CFAP157: variants seen among roughly 807,000 people sequenced by gnomAD.
CFAP157 encodes the protein cilia- and flagella-associated protein 157.
CFAP157 carries 43 observed loss-of-function variants against 57.8 expected under a neutral mutation model. The observed-to-expected ratio is 0.74, with a 90% CI of 0.58 to 0.96. The LOEUF is 0.96. Among genes scored for constraint, CFAP157 ranks in the 40% least tolerant of loss-of-function variants. The probability of loss-of-function intolerance (pLI) is 0.00; values close to 1 mark genes in which losing one functional copy is unlikely to be tolerated. For missense variants in CFAP157, 606 were observed against 655.3 expected, an observed-to-expected ratio of 0.92 and a Z score of 0.82; for synonymous variants, 267 against 269.0, an observed-to-expected ratio of 0.99 and a Z score of 0.07.
chr9:127,709,721 G>A lies in CFAP157; in HGVS notation c.433+28G>A. 1 of 1,603,438 alleles carries A rather than the reference G, an allele frequency of 6.2e-7. No homozygotes were observed. The highest frequency in any genetic ancestry group is 2.3e-5 in the East Asian group (1 of 44,384). On this transcript the variant is annotated intron_variant, in intron 2 of 8. Coordinates refer to ENST00000373295, the MANE Select transcript of CFAP157 (RefSeq NM_001012502.3). This position sits in a 1 kb window ranked among gnomAD's most constrained non-coding sequence, Gnocchi z 4.7. ...GAGGAGGGGACTGGCTGGTGAGCCT[G>A]CAGGCACACATCCCAGCTCTATCAC...
intron 1 of CFAP157, among the ~76,000 whole-genome samples, chr9:127,708,632 T>C (rs182014223): frequency 7.2e-5 from 11 of 152,338 alleles, no homozygotes; most frequent in Admixed American, 5.2e-4. Flanking sequence ...AGGTAGAATA[T>C]ATTCAAGGCA....
chr9:127,711,254 G>C lies in CFAP157; in HGVS notation c.613G>C (p.Val205Leu). ...ACTGAGGAAAGAGATCATCCAGCGC[G>C]TGAACCTCGTGGCCAATGAGTTCCA... ...DRLRKEIIQR[V>L]NLVANEFHKV... Residue 205 changes from valine (V) to leucine (L), a missense_variant, in exon 4 of 9, where the codon GTG (valine) becomes CTG (leucine). By Grantham distance (32) the Val-to-Leu change is conservative. Transcript: ENST00000373295. 6.2e-7 allele frequency: 1 copy of C among 1,614,094 alleles called. No homozygotes were observed. The highest frequency in any genetic ancestry group is 8.5e-7 in the Non-Finnish European group (1 of 1,180,010).
At chr9:127,713,488 G>A (rs1800816151) in intron 8 of CFAP157, 3 of 291,498 alleles carry the variant, frequency 1.0e-5, no homozygotes, top group South Asian at 5.4e-5. Flanking sequence ...TTCCAAGCCA[G>A]CATCTTTCTT....
rs377150093 is a variant in CFAP157 at position 127,712,840 on chromosome 9, C to T, written c.1269C>T (p.His423=). The change falls in exon 7 of 9, where the codon CAC becomes CAT. Residue 423 remains histidine, a synonymous_variant. Coordinates refer to ENST00000373295, the MANE Select transcript of CFAP157 (RefSeq NM_001012502.3). ...GACCTCAGAAGGCTGCGTGTCCCCA[C>T]CAGGAGTCACAGTCCCATGGCCCAC... is the stretch of plus-strand genomic sequence containing the variant. The part of the protein sequence containing the change: ...ATRPQKAACP[H]QESQSHGPPK... The T allele has an allele frequency of 6.2e-7, 1 of 1,613,458 alleles. No homozygotes were observed. The highest frequency in any genetic ancestry group is 8.5e-7 in the Non-Finnish European group (1 of 1,179,676).
At chr9:127,713,329 A>G in intron 8 of CFAP157, 123 bp downstream of exon 8, 2 of 746,636 alleles carry the variant, frequency 2.7e-6, no homozygotes, top group South Asian at 2.2e-5. Context: ...GAGCCTTCCC[A>G]TCTGTAAAAT....
In CFAP157 at chr9:127,715,987, A is replaced by G. The variant is rs754933466; in HGVS notation, c.*2082A>G. ...TAGGCCTCAACCTCTCCAGCTAATA[A>G]AAGTTTTCTACCTCCCTCCGGCTCA... On this transcript the variant is annotated 3_prime_UTR_variant, in exon 9 of 9. Transcript: ENST00000373295. The surrounding 1 kb of genome is among the most constrained non-coding windows in gnomAD (Gnocchi z 5.8). The G allele has an allele frequency of 5.6e-6, 6 of 1,072,586 alleles. No individual in the cohort carries two copies. Among genetic ancestry groups the G allele is most frequent in the African/African-American group, 3.2e-5 (2 of 63,426 alleles). 66.4% of individuals were successfully genotyped at this position (1,072,586 alleles called of 1,614,324 possible).
chr9:127,711,106 C>G, intron 3 of CFAP157, 123 bp from the exon 4 acceptor site: 1 of 1,289,900 alleles, frequency 7.8e-7, no homozygotes, highest in Non-Finnish European at 1.1e-6. Flanking sequence ...AGCCCCAACC[C>G]TCCCAGGGAG....
chr9:127,715,444 A>C lies in CFAP157; in HGVS notation c.*1539A>C. 1 of 1,536,374 alleles carries C rather than the reference A, an allele frequency of 6.5e-7. No homozygotes were observed. The stretch of plus-strand genomic sequence containing the variant: ...CGAGCACTGAACTCACCAGTTAAGA[A>C]AACAGAGCAGCAATTTGGGGGCACT... On this transcript the variant is annotated 3_prime_UTR_variant, in exon 9 of 9. Coordinates refer to ENST00000373295, the MANE Select transcript of CFAP157 (RefSeq NM_001012502.3). The surrounding 1 kb of genome is among the most constrained non-coding windows in gnomAD (Gnocchi z 5.8).
Position 127,710,740 on chromosome 9 carries a change from G to T in CFAP157, c.573G>T (p.Val191=). ...DYAYNLEKKS[V]LDKDRLRKEI... ...CATACAACCTGGAGAAGAAGTCGGT[G>T]CTGGACAAGGACAGGTGGGCAAGCG... The change falls in exon 3 of 9, where the codon GTG becomes GTT. Residue 191 remains valine (V), a synonymous_variant. Coordinates refer to ENST00000373295, the MANE Select transcript of CFAP157 (RefSeq NM_001012502.3). 6.4e-7 allele frequency: 1 copy of T among 1,566,552 alleles called. No individual in the cohort carries two copies. The highest frequency in any genetic ancestry group is 8.7e-7 in the Non-Finnish European group (1 of 1,154,638).
Position 127,711,953 on chromosome 9 carries a change from G to A in CFAP157, c.986+3G>A, listed in dbSNP as rs893827588. The A allele has an allele frequency of 4.4e-6, 7 of 1,605,084 alleles. No homozygotes were observed. In the African/African-American group the frequency reaches 6.7e-5, roughly 15 times the overall value. On this transcript the variant is annotated splice_donor_region_variant and intron_variant, in intron 5 of 8. Coordinates refer to ENST00000373295, the MANE Select transcript of CFAP157 (RefSeq NM_001012502.3). ...CAGGTGGATAACCAGGCACTGAAGT[G>A]CGTATGGCCCACGGAGGGGCGGGCG... is the stretch of plus-strand genomic sequence containing the variant.
chr9:127,715,419 C>A lies in CFAP157; in HGVS notation c.*1514C>A, dbSNP rs749912182. 2 of 1,405,676 alleles carry A rather than the reference C, an allele frequency of 1.4e-6. No individual in the cohort carries two copies. The highest frequency in any genetic ancestry group is 9.8e-7 in the Non-Finnish European group (1 of 1,018,850). 87.1% of individuals were successfully genotyped at this position (1,405,676 alleles called of 1,614,324 possible). A position where few individuals can be genotyped will look rare whatever the true frequency, so the allele number is the denominator to read the frequency against. ...GAGCTTCAAGAAGTTTGGAGCCCGTCGAGCACTGAACTCACCAGTTAAGAA... is the reference window on the plus strand; with the variant it reads ...GAGCTTCAAGAAGTTTGGAGCCCGTAGAGCACTGAACTCACCAGTTAAGAA... On this transcript the variant is annotated 3_prime_UTR_variant, in exon 9 of 9. Coordinates refer to ENST00000373295, the MANE Select transcript of CFAP157 (RefSeq NM_001012502.3). This position sits in a 1 kb window ranked among gnomAD's most constrained non-coding sequence, Gnocchi z 5.8.
Position 127,710,741 on chromosome 9 carries a change from C to T in CFAP157, c.574C>T (p.Leu192=). 6.4e-7 allele frequency: 1 copy of T among 1,566,518 alleles called. No homozygotes were observed. The highest frequency in any genetic ancestry group is 8.7e-7 in the Non-Finnish European group (1 of 1,154,636). The change falls in exon 3 of 9, where the codon CTG becomes TTG. Residue 192 remains leucine (L), a synonymous_variant. Transcript: ENST00000373295. ...ATACAACCTGGAGAAGAAGTCGGTG[C>T]TGGACAAGGACAGGTGGGCAAGCGG... ...YAYNLEKKSV[L]DKDRLRKEII...
At position 127,709,360 on chromosome 9, in the gene CFAP157, C is replaced by A. The variant is rs760695899; in HGVS notation, c.162-62C>A. ...AGGGAGTCCAGGAGAGTGGGCCCAG[C>A]TGCACCAGAGGCCTGGCTTGCCCAG... On this transcript the variant is annotated intron_variant, in intron 1 of 8. Transcript: ENST00000373295. This position sits in a 1 kb window ranked among gnomAD's most constrained non-coding sequence, Gnocchi z 4.7. The A allele has an allele frequency of 4.3e-4, 668 of 1,553,514 alleles. No homozygotes were observed. The highest frequency in any genetic ancestry group is 5.6e-4 in the Non-Finnish European group (644 of 1,144,234).
In CFAP157 at chr9:127,711,296, C is replaced by T. The variant is rs1044007610; in HGVS notation, c.655C>T (p.Arg219Trp). 6.8e-6 allele frequency: 11 copies of T among 1,614,146 alleles called. No homozygotes were observed. In the Admixed American group the frequency reaches 1.0e-4, roughly 15 times the overall value. ...ANEFHKVTTNRMWETTKRAIK... is the reference protein window; with the variant it reads ...ANEFHKVTTNWMWETTKRAIK... ...TGAGTTCCACAAGGTGACCACGAAC[C>T]GGATGTGGGAGACAACCAAGCGGGC... Residue 219 changes from arginine (R) to tryptophan (W), a missense_variant, in exon 4 of 9, where the codon CGG becomes TGG. Transcript: ENST00000373295.
chr9:127,710,864 G>C (rs1476257646), intron 3 of CFAP157, 110 bp downstream of exon 3: 1 of 1,266,426 alleles, frequency 7.9e-7, no homozygotes, highest in African/African-American at 1.5e-5. Context: ...TGGGGAAACT[G>C]ACCGCCGCCC....
At chr9:127,712,595 C>G (rs1462281454) in intron 6 of CFAP157, 114 bp from the exon 7 acceptor site, 1 of 1,583,258 alleles carries the variant, frequency 6.3e-7, no homozygotes, top group Middle Eastern at 1.7e-4. Flanking sequence ...GAATGGGTAT[C>G]CCACCACAGA....
chr9:127,707,559 C>T (rs1474491268), intron 1 of CFAP157, among the ~76,000 whole-genome samples: 1 of 152,154 alleles, frequency 6.6e-6, no homozygotes, highest in Non-Finnish European at 1.5e-5. Context: ...GCCCCACTTC[C>T]ACTTCCTGGC....
chr9:127,712,446 C>T, intron 6 of CFAP157, 97 bp downstream of exon 6: 3 of 1,496,536 alleles, frequency 2.0e-6, no homozygotes, highest in Non-Finnish European at 2.7e-6. Flanking sequence ...GATCAGAGGC[C>T]CCTCTTTTCC....
chr9:127,714,568 G>T lies in CFAP157; in HGVS notation c.*663G>T. 6.2e-7 allele frequency: 1 copy of T among 1,603,742 alleles called. No individual in the cohort carries two copies. Among genetic ancestry groups the T allele is most frequent in the African/African-American group, 1.3e-5 (1 of 74,816 alleles). ...CTCCACCCCAACTGGGAGGCCTGAA[G>T]CCCTATCCCAACCCTGACCATCTCA... On this transcript the variant is annotated 3_prime_UTR_variant, in exon 9 of 9. Transcript: ENST00000373295.
Sources: gnomAD v4.1 joint callset for allele counts (sites outside exome capture counted in the v4.1 genomes callset) on GRCh38, gnomAD v4.1.1 for gene constraint, Gnocchi (gnomAD v3.1) non-coding constraint, MANE v1.5 for transcripts, NCBI Gene and HGNC (gene_info 2026-07-23, HGNC 2026-07-21) for gene names.